RNGTT: variants seen among roughly 807,000 people sequenced by gnomAD.
The protein encoded by RNGTT is mRNA-capping enzyme.
A neutral mutation model predicts 79.3 loss-of-function variants in RNGTT; 33 were observed. The ratio of observed to expected loss-of-function variants is 0.42; its 90% CI spans 0.32 to 0.56. The LOEUF is 0.56. Ranked by LOEUF, RNGTT falls within the 20% of genes least tolerant of loss-of-function variation. The pLI is 0.17. For synonymous variants in RNGTT, 222 were observed against 235.9 expected, an observed-to-expected ratio of 0.94 and a Z score of 0.54; for missense variants, 497 against 739.1, an observed-to-expected ratio of 0.67 and a Z score of 3.80.
At chr6:88,923,415 T>C (rs1338449056) in intron 4 of RNGTT, among the ~76,000 whole-genome samples, 1 of 152,222 alleles carries the variant, frequency 6.6e-6, no homozygotes, top group African/African-American at 2.4e-5. Flanking sequence ...CCATGTTCTC[T>C]CTCCACATAG....
At chr6:88,635,332 C>T (rs1277843134) in intron 14 of RNGTT, among the ~76,000 whole-genome samples, 5 of 152,004 alleles carry the variant, frequency 3.3e-5, no homozygotes, top group Non-Finnish European at 5.9e-5. Flanking sequence ...TATTTGGTTA[C>T]ACGAACATTC....
chr6:88,689,178 A>T (rs902102501), intron 13 of RNGTT, among the ~76,000 whole-genome samples: 2 of 152,174 alleles, frequency 1.3e-5, no homozygotes, highest in Admixed American at 6.5e-5. Context: ...GTGGTGGCTC[A>T]CATCTATAAT....
At chr6:88,818,233 A>G (rs1780386996) in intron 11 of RNGTT, among the ~76,000 whole-genome samples, 1 of 152,126 alleles carries the variant, frequency 6.6e-6, no homozygotes, top group African/African-American at 2.4e-5. Flanking sequence ...ATTTTTTGAA[A>G]GTCAGCATAT....
intron 4 of RNGTT, among the ~76,000 whole-genome samples, chr6:88,927,099 C>T (rs1784344311): frequency 6.6e-6 from 1 of 151,718 alleles, no homozygotes; most frequent in Non-Finnish European, 1.5e-5. Flanking sequence ...TAAAATATTA[C>T]CAAAAAATTA....
chr6:88,873,327 T>C (rs1450761293), intron 8 of RNGTT, among the ~76,000 whole-genome samples: 2 of 152,190 alleles, frequency 1.3e-5, no homozygotes, highest in Non-Finnish European at 2.9e-5. Flanking sequence ...TTAAATATGC[T>C]TTTAACTAGT....
chr6:88,671,739 C>G (rs558781310), intron 14 of RNGTT, among the ~76,000 whole-genome samples: 8 of 152,092 alleles, frequency 5.3e-5, no homozygotes, highest in African/African-American at 1.9e-4. Flanking sequence ...ACAGCATGGT[C>G]CTGGTATAAA....
rs1158970507 is a variant in RNGTT at position 88,929,047 on chromosome 6, TTC to T, written c.303_304del (p.Asn102TyrfsTer2). The T allele has an allele frequency of 6.2e-7, 1 of 1,613,148 alleles. No homozygotes were observed. The highest frequency in any genetic ancestry group is 8.5e-7 in the Non-Finnish European group (1 of 1,179,536). Reference sequence around the variant, plus strand: ...ACACAGACGAATAAAGGTCTCAGTATTCTCAGTGGTAGGGCACTCACCATGTC... The same window carrying T: ...ACACAGACGAATAAAGGTCTCAGTATTCAGTGGTAGGGCACTCACCATGTC... On this transcript the variant is annotated frameshift_variant, in exon 4 of 16. Transcript: ENST00000369485. LOFTEE classifies it high-confidence loss of function.
chr6:88,938,254 C>A (rs1025328280), intron 2 of RNGTT, among the ~76,000 whole-genome samples: 8 of 152,134 alleles, frequency 5.3e-5, no homozygotes, highest in African/African-American at 1.9e-4. Flanking sequence ...TATCCTCTTG[C>A]CAAACTGATC....
intron 13 of RNGTT, among the ~76,000 whole-genome samples, chr6:88,744,733 TATAAC>T (rs1291939746): frequency 6.6e-6 from 1 of 152,196 alleles, no homozygotes; most frequent in Non-Finnish European, 1.5e-5. Flanking sequence ...GCATTGTTAT[TATAAC>T]ATATACTAAA....
intron 13 of RNGTT, among the ~76,000 whole-genome samples, chr6:88,748,084 C>A (rs1409694691): frequency 3.3e-5 from 5 of 152,110 alleles, no homozygotes; most frequent in Admixed American, 6.6e-5. Flanking sequence ...ATGTTACCAT[C>A]CTAGTCACAA....
At chr6:88,919,594 T>C (rs747850368) in intron 4 of RNGTT, among the ~76,000 whole-genome samples, 16 of 152,018 alleles carry the variant, frequency 1.1e-4, no homozygotes, top group Non-Finnish European at 1.8e-4. Context: ...TCTGGGATTG[T>C]AGGCATGAGC....
At chr6:88,642,102 G>A (rs981989332) in intron 14 of RNGTT, among the ~76,000 whole-genome samples, 1 of 151,964 alleles carries the variant, frequency 6.6e-6, no homozygotes, top group Non-Finnish European at 1.5e-5. Context: ...TCTCCAGGAG[G>A]GTGTAGAGAT....
chr6:88,834,670 T>C (rs1476179431), intron 11 of RNGTT, among the ~76,000 whole-genome samples: 2 of 152,118 alleles, frequency 1.3e-5, no homozygotes, highest in African/African-American at 2.4e-5. Context: ...TTTACTATGA[T>C]ACAAACAATA....
At chr6:88,758,406 G>A (rs1582424249) in intron 13 of RNGTT, among the ~76,000 whole-genome samples, 1 of 152,278 alleles carries the variant, frequency 6.6e-6, no homozygotes, top group Middle Eastern at 3.4e-3. Context: ...AGTACACAAG[G>A]CAAGCCTCAG....
intron 12 of RNGTT, among the ~76,000 whole-genome samples, chr6:88,776,664 GA>G (rs34767667): frequency 0.66 from 90,939 of 138,832 alleles, 29,657 homozygotes; most frequent in African/African-American, 0.74. Flanking sequence ...GGCTTCTTTG[GA>G]AAAAAAAAAA....
At chr6:88,908,587 G>C (rs966054455) in intron 4 of RNGTT, among the ~76,000 whole-genome samples, 1 of 152,144 alleles carries the variant, frequency 6.6e-6, no homozygotes, top group Non-Finnish European at 1.5e-5. Context: ...AGGGAGGGCT[G>C]AGTAAAGGAA....
At chr6:88,943,517 T>C (rs1333625816) in intron 1 of RNGTT, among the ~76,000 whole-genome samples, 1 of 151,806 alleles carries the variant, frequency 6.6e-6, no homozygotes, top group African/African-American at 2.4e-5. Flanking sequence ...GGGTATGTAC[T>C]ATGTACCAGG....
At chr6:88,624,386 T>C (rs1323210842) in intron 14 of RNGTT, among the ~76,000 whole-genome samples, 1 of 152,028 alleles carries the variant, frequency 6.6e-6, no homozygotes, top group East Asian at 1.9e-4. Flanking sequence ...GAGAGACACA[T>C]GGATCAGTGA....
chr6:88,888,305 T>A (rs1782934841), intron 8 of RNGTT, among the ~76,000 whole-genome samples: 1 of 152,222 alleles, frequency 6.6e-6, no homozygotes, highest in Admixed American at 6.5e-5. Context: ...GTAAGACATT[T>A]GTTAAGACAT....
Sources: gnomAD v4.1 joint callset for allele counts (sites outside exome capture counted in the v4.1 genomes callset) on GRCh38, gnomAD v4.1.1 for gene constraint, MANE v1.5 for transcripts, NCBI Gene and HGNC (gene_info 2026-07-23, HGNC 2026-07-21) for gene names.